PTPRD: variants seen among roughly 807,000 people sequenced by gnomAD.
PTPRD encodes receptor-type tyrosine-protein phosphatase delta.
PTPRD carries 34 observed loss-of-function variants against 214.5 expected under a neutral mutation model. The ratio of observed to expected loss-of-function variants is 0.16; its 90% CI spans 0.12 to 0.21. PTPRD has a LOEUF of 0.21. PTPRD is among the 10% of genes least tolerant of loss of function. PTPRD has a pLI of 1.00. For synonymous variants in PTPRD, 1,128 were observed against 845.7 expected (o/e 1.33, Z -5.79); for missense variants, 2,545 against 2,398.7 (o/e 1.06, Z -1.27).
intron 3 of PTPRD, among the ~76,000 whole-genome samples, chr9:10,109,698 T>G (rs751178450): frequency 9.9e-5 from 15 of 152,106 alleles, no homozygotes; most frequent in Non-Finnish European, 2.1e-4. Context: ...ACGGGTTGAG[T>G]GATGGGGTGT....
intron 12 of PTPRD, among the ~76,000 whole-genome samples, chr9:8,717,797 C>G (rs2098452791): frequency 6.6e-6 from 1 of 152,094 alleles, no homozygotes; most frequent in African/African-American, 2.4e-5. Context: ...GTTCCAAGAT[C>G]ATTAGCTTTG....
At chr9:9,738,002 TA>T (rs1425910116) in intron 6 of PTPRD, among the ~76,000 whole-genome samples, 1 of 148,852 alleles carries the variant, frequency 6.7e-6, no homozygotes. Context: ...TCTATTTTAT[TA>T]AAAAAATCAA....
intron 35 of PTPRD, among the ~76,000 whole-genome samples, chr9:8,424,048 G>A (rs1237201430): frequency 1.3e-5 from 2 of 152,126 alleles, no homozygotes; most frequent in African/African-American, 2.4e-5. Flanking sequence ...TTAAACAAGA[G>A]CATGAAGCGG....
intron 10 of PTPRD, among the ~76,000 whole-genome samples, chr9:9,032,853 C>T (rs535198211): frequency 1.3e-5 from 2 of 152,246 alleles, no homozygotes; most frequent in South Asian, 4.1e-4. Flanking sequence ...TATCTATAAA[C>T]CTAGCTGGTT....
chr9:8,550,706 T>C (rs1037693828), intron 14 of PTPRD, among the ~76,000 whole-genome samples: 12 of 152,220 alleles, frequency 7.9e-5, no homozygotes, highest in South Asian at 6.2e-4. Flanking sequence ...ATGTAACTGA[T>C]AGTATAAAAG....
intron 4 of PTPRD, among the ~76,000 whole-genome samples, chr9:10,029,090 G>A (rs937309066): frequency 6.6e-6 from 1 of 152,208 alleles, no homozygotes. Flanking sequence ...CAAGGCCCAA[G>A]TCTTGGCAGC....
intron 7 of PTPRD, among the ~76,000 whole-genome samples, chr9:9,604,782 T>G (rs1247766807): frequency 1.3e-5 from 2 of 152,032 alleles, no homozygotes; most frequent in East Asian, 3.9e-4. Context: ...AAGTTTACAT[T>G]TTTGTTTTTA....
chr9:8,958,974 T>A (rs540956278), intron 11 of PTPRD: 1 of 150,192 alleles, frequency 6.7e-6, no homozygotes, highest in East Asian at 2.0e-4. Context: ...CTTATCACAT[T>A]CAGCCCAATG....
At chr9:10,023,732 G>T (rs1420201744) in intron 4 of PTPRD, among the ~76,000 whole-genome samples, 3 of 149,432 alleles carry the variant, frequency 2.0e-5, no homozygotes, top group Non-Finnish European at 4.4e-5. Flanking sequence ...TAGGGCCTAA[G>T]TACAAATGCT....
intron 12 of PTPRD, among the ~76,000 whole-genome samples, chr9:8,704,663 G>C (rs2098163999): frequency 6.6e-6 from 1 of 151,862 alleles, no homozygotes; most frequent in African/African-American, 2.4e-5. Flanking sequence ...GCCTATCACA[G>C]AGATAATGCA....
intron 9 of PTPRD, among the ~76,000 whole-genome samples, chr9:9,213,607 A>T (rs1255718334): frequency 6.6e-6 from 1 of 152,114 alleles, no homozygotes; most frequent in African/African-American, 2.4e-5. Flanking sequence ...ACAATTTTAT[A>T]AAGGTATAAA....
chr9:10,002,218 T>C (rs2096338747), intron 4 of PTPRD, among the ~76,000 whole-genome samples: 1 of 149,108 alleles, frequency 6.7e-6, no homozygotes, highest in African/African-American at 2.4e-5. Context: ...AAAATGTTTA[T>C]CACAAAAAAG....
chr9:10,518,137 T>C lies in PTPRD; in HGVS notation c.-600+94261A>G, dbSNP rs576606736. On this transcript the variant is annotated intron_variant, in intron 2 of 45. Coordinates refer to ENST00000381196, the MANE Select transcript of PTPRD (RefSeq NM_002839.4). ...AACTAGAACATAATAGCATTGTTAT[T>C]GAATACCTGTGTACTGATCACCTGA... Among the ~76,000 whole-genome samples, 8 of 152,316 alleles carry C rather than the reference T, an allele frequency of 5.3e-5. No individual in the cohort carries two copies. The South Asian group carries it at 1.7e-3, about 32-fold the overall frequency.
intron 5 of PTPRD, among the ~76,000 whole-genome samples, chr9:9,838,645 A>C (rs897019577): frequency 6.6e-5 from 10 of 151,976 alleles, no homozygotes; most frequent in African/African-American, 1.7e-4. Flanking sequence ...GTTTGAGTTC[A>C]TTGTAGATTC....
chr9:9,085,825 A>G lies in PTPRD; in HGVS notation c.-142-67090T>C, dbSNP rs115317215. 2.4e-3 allele frequency among the ~76,000 whole-genome samples: 361 copies of G among 152,260 alleles called. 4 individuals carry two copies. Among genetic ancestry groups the G allele is most frequent in the African/African-American group, 8.5e-3 (352 of 41,544 alleles). Reference sequence around the variant, plus strand: ...GTACTACCAGACCTTTCCAAGCTCTATATTAATTTAAGCCTCTCGAATCTA... The same window carrying G: ...GTACTACCAGACCTTTCCAAGCTCTGTATTAATTTAAGCCTCTCGAATCTA... On this transcript the variant is annotated intron_variant, in intron 10 of 45. Transcript: ENST00000381196.
At chr9:10,507,621 A>G (rs2046471012) in intron 2 of PTPRD, among the ~76,000 whole-genome samples, 1 of 152,180 alleles carries the variant, frequency 6.6e-6, no homozygotes, top group African/African-American at 2.4e-5. Context: ...ATGGAACGGA[A>G]CAGAGCCCTC....
intron 10 of PTPRD, among the ~76,000 whole-genome samples, chr9:9,125,011 A>G (rs2099826301): frequency 6.6e-6 from 1 of 152,152 alleles, no homozygotes; most frequent in East Asian, 1.9e-4. Context: ...TCTTCCTGCC[A>G]TCCCTCCCTT....
At chr9:8,591,888 G>A (rs2154265068) in intron 14 of PTPRD, among the ~76,000 whole-genome samples, 1 of 152,242 alleles carries the variant, frequency 6.6e-6, no homozygotes, top group South Asian at 2.1e-4. Context: ...CCATAAATAA[G>A]TTTAATTCCC....
intron 7 of PTPRD, among the ~76,000 whole-genome samples, chr9:9,695,866 T>C (rs1203109879): frequency 7.2e-5 from 11 of 152,328 alleles, no homozygotes; most frequent in African/African-American, 2.6e-4. Context: ...TTTTCTTTTA[T>C]ATAGCATCCT....
Sources: allele counts gnomAD v4.1 joint callset (sites outside exome capture counted in the v4.1 genomes callset), GRCh38; gene constraint gnomAD v4.1.1; transcripts MANE v1.5; gene names NCBI Gene and HGNC (gene_info 2026-07-23, HGNC 2026-07-21).